PRSS33: variants seen among roughly 807,000 people sequenced by gnomAD.
PRSS33 encodes protease, serine 33.
A neutral mutation model predicts 26.7 loss-of-function variants in PRSS33; 32 were observed. The ratio of observed to expected loss-of-function variants is 1.20; its 90% CI spans 0.90 to 1.61. The LOEUF is 1.61. Ranked by LOEUF, PRSS33 falls within the 40% of genes most tolerant of loss-of-function variation. PRSS33 has a pLI of 0.00. For synonymous variants in PRSS33, 192 were observed against 177.6 expected (o/e 1.08, Z -0.64); for missense variants, 450 against 396.3 (o/e 1.14, Z -1.15).
At position 2,785,423 on chromosome 16, in the gene PRSS33, GC is replaced by G; in HGVS notation, c.465del (p.Gly157AlafsTer27). The G allele has an allele frequency of 5.5e-6, 8 of 1,455,940 alleles. No individual in the cohort carries two copies. Among genetic ancestry groups the G allele is most frequent in the Non-Finnish European group, 7.2e-6 (8 of 1,115,930 alleles). 90.2% of individuals were successfully genotyped at this position (1,455,940 alleles called of 1,614,324 possible). ...CCGGTGACCCGGCATGGTGTGCCGGGCGGCGGGCGGGCGCCGGGCACGGGCA... is the reference window on the plus strand; with the variant it reads ...CCGGTGACCCGGCATGGTGTGCCGGGGGCGGGCGGGCGCCGGGCACGGGCA... ...VCLPVPGARP[P>X]PGTPCRVTGW... On this transcript the variant is annotated frameshift_variant, in exon 5 of 7. Coordinates refer to ENST00000682474, the MANE Select transcript of PRSS33 (RefSeq NM_152891.3). LOFTEE classifies it high-confidence loss of function.
Position 2,786,135 on chromosome 16 carries a change from C to G in PRSS33, c.47-14G>C. The stretch of plus-strand genomic sequence containing the variant: ...TCCCAGCAGCTCCTGGAGGAGGAAG[C>G]AGGGAAGGGACCAGATTATAGATTT... On this transcript the variant is annotated splice_polypyrimidine_tract_variant and intron_variant, in intron 2 of 6. Transcript: ENST00000682474. The G allele has an allele frequency of 6.2e-7, 1 of 1,611,380 alleles. No individual in the cohort carries two copies. The highest frequency in any genetic ancestry group is 8.5e-7 in the Non-Finnish European group (1 of 1,177,918).
At chr16:2,786,816 G>T in intron 1 of PRSS33, 2 of 390,558 alleles carry the variant, frequency 5.1e-6, no homozygotes, top group Non-Finnish European at 9.3e-6. Flanking sequence ...CCTTGGTCTC[G>T]ACAGAAGCCC....
At chr16:2,786,270 C>G (rs11643898) in intron 2 of PRSS33, 149 bp from the exon 3 acceptor site, 582,689 of 864,536 alleles carry the variant, frequency 0.67, 207,185 homozygotes, top group Non-Finnish European at 0.75. Context: ...CTTATTTAAC[C>G]CTCCCCAGAG....
chr16:2,785,938 T>G lies in PRSS33; in HGVS notation c.103A>C (p.Ser35Arg). ...CCATCCCGGCCCCCAACGATCCGACTGGACATGCGGGGCTGCCCGCAGGCT... is the reference window on the plus strand; with the variant it reads ...CCATCCCGGCCCCCAACGATCCGACGGGACATGCGGGGCTGCCCGCAGGCT... ...SAACGQPRMS[S>R]RIVGGRDGRD... is the part of the protein sequence containing the mutation. Residue 35 changes from serine to arginine, a missense_variant, in exon 4 of 7, where the codon AGT becomes CGT. By Grantham distance (110) the Ser-to-Arg change is moderately radical. Coordinates refer to ENST00000682474, the MANE Select transcript of PRSS33 (RefSeq NM_152891.3). 1 of 1,612,636 alleles carries G rather than the reference T, an allele frequency of 6.2e-7. No individual in the cohort carries two copies. The highest frequency in any genetic ancestry group is 2.2e-5 in the East Asian group (1 of 44,860).
rs1301772327 is a variant in PRSS33, at chr16:2,785,104, G to A, written c.582C>T (p.Asp194=). Residue 194 remains aspartate (D), a synonymous_variant, in exon 6 of 7, where the codon GAC becomes GAT. Coordinates refer to ENST00000682474, the MANE Select transcript of PRSS33 (RefSeq NM_152891.3). ...CGTCCGCGCCCACGTGGTAGAGGCC[G>A]TCGCAGGTGCGCGAGTCCAGCAGCG... is the stretch of plus-strand genomic sequence containing the variant. ...RVPLLDSRTC[D]GLYHVGADVP... The A allele has an allele frequency of 2.6e-6, 4 of 1,551,412 alleles. No individual in the cohort carries two copies. Among genetic ancestry groups the A allele is most frequent in the East Asian group, 2.4e-5 (1 of 41,562 alleles).
chr16:2,784,499 TGGGTGGG>T lies in PRSS33; in HGVS notation c.*138_*144del. ...AAAGAGGAGAGGAGGCAGGAGGTGG[TGGGTGGG>T]GGGTGGGGTGGCCTTTAGCTTTTTT... On this transcript the variant is annotated 3_prime_UTR_variant, in exon 7 of 7. Coordinates refer to ENST00000682474, the MANE Select transcript of PRSS33 (RefSeq NM_152891.3). 4.0e-6 allele frequency: 2 copies of T among 506,238 alleles called. No homozygotes were observed. Among genetic ancestry groups the T allele is most frequent in the Non-Finnish European group, 6.5e-6 (2 of 308,600 alleles). The allele number at this position is 506,238 out of a possible 1,614,324, so 31.4% of individuals were successfully genotyped here. A position where few individuals can be genotyped will look rare whatever the true frequency, so the allele number is the denominator to read the frequency against.
At position 2,785,556 on chromosome 16, in the gene PRSS33, C is replaced by T. The variant is rs754632742; in HGVS notation, c.333G>A (p.Arg111=). 2.0e-6 allele frequency: 3 copies of T among 1,528,152 alleles called. No homozygotes were observed. Among genetic ancestry groups the T allele is most frequent in the Admixed American group, 2.0e-5 (1 of 50,612 alleles). The allele number at this position is 1,528,152 out of a possible 1,614,324, so 94.7% of individuals were successfully genotyped here. A position where few individuals can be genotyped will look rare whatever the true frequency, so the allele number is the denominator to read the frequency against. The part of the protein sequence containing the change: ...SPRTLSVPVR[R]VLLPPDYSED... ...CGGAGTAGTCCGGGGGCAGCAGCAC[C>T]CGTCGCACGGGCACCGAGAGCGTGC... Residue 111 remains arginine (R), a synonymous_variant, in exon 5 of 7, where the codon CGG becomes CGA. Transcript: ENST00000682474.
At chr16:2,786,737 C>T (rs1028023512) in intron 1 of PRSS33, 133 bp from the exon 2 acceptor site, 1 of 626,496 alleles carries the variant, frequency 1.6e-6, no homozygotes, top group Non-Finnish European at 2.8e-6. Context: ...CCTGGTGGCC[C>T]AGGCTGTATA....
In PRSS33 at chr16:2,784,549, G is replaced by A. The variant is rs2068850352; in HGVS notation, c.*95C>T. The A allele has an allele frequency of 2.3e-6, 3 of 1,295,912 alleles. No homozygotes were observed. The highest frequency in any genetic ancestry group is 5.5e-5 in the Admixed American group (2 of 36,318). The allele number at this position is 1,295,912 out of a possible 1,614,324, so 80.3% of individuals were successfully genotyped here. A position where few individuals can be genotyped will look rare whatever the true frequency, so the allele number is the denominator to read the frequency against. The stretch of plus-strand genomic sequence containing the variant: ...GCTTTTTTAGGCATCTTGGCCTCGA[G>A]GCAGAAGGGATGTGGGGTATAGGCA... On this transcript the variant is annotated 3_prime_UTR_variant, in exon 7 of 7. Coordinates refer to ENST00000682474, the MANE Select transcript of PRSS33 (RefSeq NM_152891.3).
intron 1 of PRSS33, among the ~76,000 whole-genome samples, 132 bp downstream of exon 1, chr16:2,787,401 A>C (rs1374522579): frequency 8.2e-5 from 2 of 24,292 alleles, no homozygotes; most frequent in Non-Finnish European, 1.4e-4. Flanking sequence ...CTTCCTCCTC[A>C]CTCCCCTCCC....
In PRSS33 at chr16:2,786,399, G is replaced by A. The variant is rs1367485622; in HGVS notation, c.46+103C>T. The A allele has an allele frequency of 6.9e-5, 95 of 1,377,074 alleles. No homozygotes were observed. The East Asian group carries it at 2.2e-3, about 32-fold the overall frequency. The allele number at this position is 1,377,074 out of a possible 1,614,324, so 85.3% of individuals were successfully genotyped here. ...GAGCCCTTGGAATCAAGATTAGAAA[G>A]CCCAAGAGTGCTCCAGGGAGCCCGG... is the stretch of plus-strand genomic sequence containing the variant. On this transcript the variant is annotated intron_variant, in intron 2 of 6. Coordinates refer to ENST00000682474, the MANE Select transcript of PRSS33 (RefSeq NM_152891.3).
rs752701919 is a variant in PRSS33 at position 2,786,105 on chromosome 16, C to T, written c.63G>A (p.Gln21=). The T allele has an allele frequency of 1.2e-6, 2 of 1,613,638 alleles. No homozygotes were observed. Among genetic ancestry groups the T allele is most frequent in the South Asian group, 2.2e-5 (2 of 91,088 alleles). ...CTTCCTCACCTGCAGACTTCCTTCC[C>T]TGAGTCCCAGCAGCTCCTGGAGGAG... The part of the protein sequence containing the change: ...LLLVLGAAGT[Q]GRKSAACGQP... The change falls in exon 3 of 7, where the codon CAG becomes CAA. Residue 21 remains glutamine (Q), a synonymous_variant. Coordinates refer to ENST00000682474, the MANE Select transcript of PRSS33 (RefSeq NM_152891.3).
Position 2,784,503 on chromosome 16 carries a change from T to TG in PRSS33, c.*140dup, listed in dbSNP as rs1567260716. The TG allele has an allele frequency of 1.9e-6, 1 of 514,716 alleles. No individual in the cohort carries two copies. Among genetic ancestry groups the TG allele is most frequent in the Non-Finnish European group, 3.1e-6 (1 of 318,882 alleles). 31.9% of individuals were successfully genotyped at this position (514,716 alleles called of 1,614,324 possible). ...AGGAGAGGAGGCAGGAGGTGGTGGGTGGGGGGTGGGGTGGCCTTTAGCTTT... is the reference window on the plus strand; with the variant it reads ...AGGAGAGGAGGCAGGAGGTGGTGGGTGGGGGGGTGGGGTGGCCTTTAGCTTT... On this transcript the variant is annotated 3_prime_UTR_variant, in exon 7 of 7. Transcript: ENST00000682474.
In PRSS33 at chr16:2,784,110, G is replaced by C. The variant is rs796407602; in HGVS notation, c.*534C>G. 3.9e-5 allele frequency: 6 copies of C among 152,404 alleles called. 1 individual carries two copies. The highest frequency in any genetic ancestry group is 1.2e-4 in the African/African-American group (5 of 41,572). The allele number at this position is 152,404 out of a possible 1,614,324, so 9.4% of individuals were successfully genotyped here. A position where few individuals can be genotyped will look rare whatever the true frequency, so the allele number is the denominator to read the frequency against. On this transcript the variant is annotated 3_prime_UTR_variant, in exon 7 of 7. Coordinates refer to ENST00000682474, the MANE Select transcript of PRSS33 (RefSeq NM_152891.3). The stretch of plus-strand genomic sequence containing the variant: ...AAGAACTTACTTCCCAGCTCCTTCA[G>C]GGTGCTGCCAGAATCCAGTGCCTTG...
rs755251116 is a variant in PRSS33, at chr16:2,785,111, G to C, written c.575C>G (p.Thr192Ser). 2.1e-5 allele frequency: 32 copies of C among 1,549,182 alleles called. No individual in the cohort carries two copies. The African/African-American group carries it at 4.2e-4, about 20-fold the overall frequency. ...GCCCACGTGGTAGAGGCCGTCGCAG[G>C]TGCGCGAGTCCAGCAGCGGCACCCT... ...GVRVPLLDSRTCDGLYHVGAD... is the reference protein window; with the variant it reads ...GVRVPLLDSRSCDGLYHVGAD... Residue 192 changes from threonine to serine, a missense_variant, in exon 6 of 7, where the codon ACC becomes AGC. Transcript: ENST00000682474.
chr16:2,785,994 TGA>T (rs1317641903), intron 3 of PRSS33, 33 bp from the exon 4 acceptor site: 2 of 1,612,892 alleles, frequency 1.2e-6, no homozygotes, highest in Non-Finnish European at 1.7e-6. Context: ...GAGGGTTGGC[TGA>T]GGACCTGGGG....
chr16:2,785,239 T>A (rs2068859379), intron 5 of PRSS33, 68 bp from the exon 6 acceptor site: 1 of 1,463,796 alleles, frequency 6.8e-7, no homozygotes, highest in African/African-American at 1.4e-5. Context: ...AGCTGAGCTC[T>A]GAGTGAGAGG....
chr16:2,785,269 C>T, intron 5 of PRSS33, 98 bp from the exon 6 acceptor site: 1 of 1,446,674 alleles, frequency 6.9e-7, no homozygotes, highest in Non-Finnish European at 9.2e-7. Flanking sequence ...TCCCTAGAAG[C>T]CGCGCTGGGT....
chr16:2,786,622 A>T lies in PRSS33; in HGVS notation c.-57-18T>A, dbSNP rs370149831. ...ACTCTGGTCTGGAGCCAGCAGGGAG[A>T]AGAGAGGAGAGTCCTGGCCCAGGGG... On this transcript the variant is annotated intron_variant, in intron 1 of 6. Transcript: ENST00000682474. The T allele has an allele frequency of 6.4e-7, 1 of 1,560,496 alleles. No homozygotes were observed. The highest frequency in any genetic ancestry group is 1.4e-5 in the African/African-American group (1 of 73,526).
Sources: allele counts gnomAD v4.1 joint callset (sites outside exome capture counted in the v4.1 genomes callset), GRCh38; gene constraint gnomAD v4.1.1; transcripts MANE v1.5; gene names NCBI Gene and HGNC (gene_info 2026-07-23, HGNC 2026-07-21).